STRN: variants seen among roughly 807,000 people sequenced by gnomAD.
STRN encodes striatin, also known as protein phosphatase 2 regulatory subunit B'''alpha.
A neutral mutation model predicts 96.3 loss-of-function variants in STRN; 53 were observed. The ratio of observed to expected loss-of-function variants is 0.55; its 90% CI spans 0.44 to 0.69. STRN has a LOEUF of 0.69. Ranked by LOEUF, STRN falls within the 30% of genes least tolerant of loss-of-function variation. The pLI is 0.00. For synonymous variants in STRN, 428 were observed against 355.9 expected (o/e 1.20, Z -2.28); for missense variants, 987 against 963.9 (o/e 1.02, Z -0.32).
intron 1 of STRN, among the ~76,000 whole-genome samples, chr2:36,943,056 TTAA>T (rs1486665946): frequency 3.3e-5 from 5 of 152,266 alleles, no homozygotes; most frequent in African/African-American, 1.2e-4. Flanking sequence ...TTGATGATTA[TTAA>T]TAATACTTTT....
rs189309552 is a variant in STRN at position 36,906,283 on chromosome 2, G to C, written c.413-665C>G. ...GTTTGAGACCAGCCTGGGCAACATG[G>C]AGTAAACCCTGTCTCTACAAAAAAA... is the stretch of plus-strand genomic sequence containing the variant. On this transcript the variant is annotated intron_variant, in intron 3 of 17. Coordinates refer to ENST00000263918, the MANE Select transcript of STRN (RefSeq NM_003162.4). Among the ~76,000 whole-genome samples the C allele has an allele frequency of 2.3e-3, 356 of 152,148 alleles. 4 individuals carry two copies. Among genetic ancestry groups the C allele is most frequent in the African/African-American group, 8.1e-3 (337 of 41,486 alleles).
intron 7 of STRN, among the ~76,000 whole-genome samples, chr2:36,893,365 T>C (rs191959971): frequency 4.6e-5 from 7 of 152,364 alleles, no homozygotes; most frequent in African/African-American, 1.7e-4. Context: ...AAATGACCTT[T>C]TTTTTATGAG....
chr2:36,895,293 C>T (rs1440535143), intron 6 of STRN, among the ~76,000 whole-genome samples: 6 of 151,242 alleles, frequency 4.0e-5, no homozygotes. Context: ...CGCCACTGCA[C>T]TCCAGCCTGG....
chr2:36,942,886 G>A (rs1670881099), intron 1 of STRN, among the ~76,000 whole-genome samples: 1 of 133,548 alleles, frequency 7.5e-6, no homozygotes, highest in African/African-American at 2.7e-5. Flanking sequence ...GGTAAAGACA[G>A]AGTTTCACCA....
At chr2:36,892,742 T>A (rs1669432530) in intron 7 of STRN, among the ~76,000 whole-genome samples, 2 of 152,150 alleles carry the variant, frequency 1.3e-5, no homozygotes, top group African/African-American at 2.4e-5. Flanking sequence ...AATACAAGGC[T>A]GGGAGCAGTG....
At chr2:36,856,007 T>A (rs2148130827) in intron 14 of STRN, among the ~76,000 whole-genome samples, 1 of 152,214 alleles carries the variant, frequency 6.6e-6, no homozygotes, top group Non-Finnish European at 1.5e-5. Flanking sequence ...AGGTAACAGT[T>A]CAAAAATGTG....
chr2:36,952,243 G>C (rs1664771550), intron 1 of STRN, among the ~76,000 whole-genome samples: 1 of 152,212 alleles, frequency 6.6e-6, no homozygotes, highest in Middle Eastern at 3.4e-3. Flanking sequence ...CGGATTAACT[G>C]ATCAACCACC....
intron 1 of STRN, among the ~76,000 whole-genome samples, chr2:36,944,939 A>C (rs1261646323): frequency 6.6e-6 from 1 of 152,248 alleles, no homozygotes; most frequent in Admixed American, 6.5e-5. Flanking sequence ...GGGATCACAT[A>C]CTGCAAATGG....
chr2:36,888,954 G>A (rs1001097191), intron 7 of STRN, among the ~76,000 whole-genome samples: 2 of 152,046 alleles, frequency 1.3e-5, no homozygotes, highest in African/African-American at 2.4e-5. Flanking sequence ...AAAGTGCTGG[G>A]ATTACAGGCA....
At chr2:36,874,230 C>T (rs573555523) in intron 10 of STRN, among the ~76,000 whole-genome samples, 129 of 150,276 alleles carry the variant, frequency 8.6e-4, no homozygotes, top group African/African-American at 3.1e-3. Flanking sequence ...CGCCACTGCA[C>T]TACAGCCTGG....
chr2:36,884,194 T>C (rs1572646834), intron 8 of STRN, 119 bp from the exon 9 acceptor site: 2 of 856,936 alleles, frequency 2.3e-6, no homozygotes, highest in East Asian at 6.7e-5. Flanking sequence ...TTTAAAAATA[T>C]TCTACTAGAT....
At chr2:36,951,185 T>C (rs1664745060) in intron 1 of STRN, among the ~76,000 whole-genome samples, 1 of 152,164 alleles carries the variant, frequency 6.6e-6, no homozygotes. Context: ...TTTTAGGATG[T>C]TATGTCAAAG....
At chr2:36,851,201 T>A in intron 15 of STRN, 94 bp from the exon 16 acceptor site, 1 of 1,156,658 alleles carries the variant, frequency 8.6e-7, no homozygotes, top group Non-Finnish European at 1.2e-6. Flanking sequence ...ACTGAAAAAG[T>A]AGGCCGGCCG....
intron 10 of STRN, among the ~76,000 whole-genome samples, chr2:36,872,658 CA>C (rs1220153749): frequency 6.6e-6 from 1 of 152,060 alleles, no homozygotes; most frequent in Non-Finnish European, 1.5e-5. Context: ...AGTTTTCTAA[CA>C]ATTAAAAGCT....
At chr2:36,962,300 C>T (rs983924716) in intron 1 of STRN, among the ~76,000 whole-genome samples, 1 of 152,184 alleles carries the variant, frequency 6.6e-6, no homozygotes, top group African/African-American at 2.4e-5. Flanking sequence ...ATCTTGCCAC[C>T]TTTTTCATAC....
At chr2:36,890,450 T>C (rs1572651512) in intron 7 of STRN, among the ~76,000 whole-genome samples, 1 of 151,956 alleles carries the variant, frequency 6.6e-6, no homozygotes, top group East Asian at 1.9e-4. Flanking sequence ...AAGTTACTAT[T>C]GTCAATATTA....
At chr2:36,948,462 C>T (rs1352571809) in intron 1 of STRN, among the ~76,000 whole-genome samples, 2 of 152,048 alleles carry the variant, frequency 1.3e-5, no homozygotes, top group Non-Finnish European at 2.9e-5. Flanking sequence ...GCATTATTAG[C>T]CAAGAAATTT....
At chr2:36,940,517 C>T (rs962546132) in intron 1 of STRN, among the ~76,000 whole-genome samples, 1 of 151,998 alleles carries the variant, frequency 6.6e-6, no homozygotes, top group Non-Finnish European at 1.5e-5. Flanking sequence ...AATCTGAAAA[C>T]ATTTTTGTCT....
chr2:36,929,057 A>T (rs987485280), intron 1 of STRN, among the ~76,000 whole-genome samples: 6 of 152,176 alleles, frequency 3.9e-5, no homozygotes, highest in African/African-American at 1.4e-4. Flanking sequence ...ACTTCTGGAG[A>T]AGAAAACTTT....
Sources: allele counts gnomAD v4.1 joint callset (sites outside exome capture counted in the v4.1 genomes callset), GRCh38; gene constraint gnomAD v4.1.1; transcripts MANE v1.5; gene names NCBI Gene and HGNC (gene_info 2026-07-23, HGNC 2026-07-21).